The following PPFIA2 variants were observed in gnomAD, a reference collection of about 807,000 sequenced individuals.
PPFIA2 encodes liprin-alpha-2.
Under a neutral mutation model 175.5 loss-of-function variants are expected in PPFIA2, and 46 were observed. The ratio of observed to expected loss-of-function variants is 0.26; its 90% confidence interval spans 0.21 to 0.34. The LOEUF (loss-of-function observed/expected upper bound fraction) is 0.34, where lower values mean the gene tolerates loss of function less well. Among genes scored for constraint, PPFIA2 ranks in the 10% least tolerant of loss-of-function variants. The pLI is 1.00. For missense variants in PPFIA2, 1,179 were observed against 1,506.1 expected (o/e 0.78, Z 3.60); for synonymous variants, 568 against 511.4 (o/e 1.11, Z -1.49).
intron 21 of PPFIA2, among the ~76,000 whole-genome samples, chr12:81,332,226 CA>C (rs1360009831): frequency 6.6e-6 from 1 of 151,908 alleles, no homozygotes; most frequent in East Asian, 1.9e-4. Flanking sequence ...TCTGCAGTTC[CA>C]ATCTGTCTGT....
chr12:81,319,855 T>A (rs1367110572), intron 22 of PPFIA2, among the ~76,000 whole-genome samples: 2 of 151,932 alleles, frequency 1.3e-5, no homozygotes, highest in African/African-American at 4.8e-5. Flanking sequence ...TGTGAGATAA[T>A]CTAATATCAT....
intron 3 of PPFIA2, among the ~76,000 whole-genome samples, chr12:81,682,539 AAGTC>A (rs2073822947): frequency 6.6e-6 from 1 of 152,074 alleles, no homozygotes; most frequent in Admixed American, 6.6e-5. Flanking sequence ...TCTATAAAAA[AAGTC>A]AGTATCAGTG....
At chr12:81,523,522 C>T (rs1366572188) in intron 4 of PPFIA2, among the ~76,000 whole-genome samples, 2 of 152,168 alleles carry the variant, frequency 1.3e-5, no homozygotes, top group African/African-American at 4.8e-5. Flanking sequence ...GTCATTAGAA[C>T]ACTTGAATTA....
At chr12:81,631,482 C>G in intron 4 of PPFIA2, among the ~76,000 whole-genome samples, 1 of 151,922 alleles carries the variant, frequency 6.6e-6, no homozygotes, top group East Asian at 1.9e-4. Context: ...CGATGATATA[C>G]TAAAAGGAAG....
chr12:81,755,217 C>T (rs2084456678), intron 2 of PPFIA2, among the ~76,000 whole-genome samples: 1 of 152,164 alleles, frequency 6.6e-6, no homozygotes, highest in African/African-American at 2.4e-5. Flanking sequence ...ACAAAACACA[C>T]TTAGGTGCAT....
chr12:81,365,883 G>T (rs1485241077), intron 14 of PPFIA2, among the ~76,000 whole-genome samples: 1 of 151,556 alleles, frequency 6.6e-6, no homozygotes, highest in African/African-American at 2.4e-5. Context: ...ATAATATGCA[G>T]CATCCAGTAG....
At chr12:81,519,639 G>A (rs570118204) in intron 4 of PPFIA2, among the ~76,000 whole-genome samples, 7 of 152,260 alleles carry the variant, frequency 4.6e-5, no homozygotes, top group Admixed American at 2.6e-4. Flanking sequence ...GCATGGAATC[G>A]TGTACTTAAA....
chr12:81,584,898 TATATA>T (rs1403830072), intron 4 of PPFIA2, among the ~76,000 whole-genome samples: 23 of 122,802 alleles, frequency 1.9e-4, no homozygotes, highest in African/African-American at 6.2e-5. Context: ...ATTATATTTA[TATATA>T]ATATATTATA....
Position 81,258,860 on chromosome 12 carries a change from ATC to A in PPFIA2, c.*832_*833del, listed in dbSNP as rs1404133106. ...TGGTTCTTAGTAAAGAAGTTTTTTT[ATC>A]TTTTTTTTTTTCTTGGTCCACAGGT... is the stretch of plus-strand genomic sequence containing the variant. On this transcript the variant is annotated 3_prime_UTR_variant, in exon 33 of 33. Transcript: ENST00000549396. The A allele has an allele frequency of 6.7e-6, 1 of 149,762 alleles. No individual in the cohort carries two copies. Among genetic ancestry groups the A allele is most frequent in the African/African-American group, 2.5e-5 (1 of 39,862 alleles). The allele number at this position is 149,762 out of a possible 1,614,324, so 9.3% of individuals were successfully genotyped here.
intron 17 of PPFIA2, among the ~76,000 whole-genome samples, chr12:81,351,737 T>TGAA (rs2140884252): frequency 8.6e-6 from 1 of 115,800 alleles, no homozygotes; most frequent in African/African-American, 3.4e-5. Flanking sequence ...CTACAAAAAA[T>TGAA]TAAAAAAAAA....
Position 81,727,341 on chromosome 12 carries a change from G to A in PPFIA2, c.249+26632C>T, listed in dbSNP as rs143013940. On this transcript the variant is annotated intron_variant, in intron 3 of 32. Transcript: ENST00000549396. ...ATTGGCTCATTTAGCTCTTCTGTTC[G>A]CCACTTCTTGGCTGTTTCGAACATT... Among the ~76,000 whole-genome samples the A allele has an allele frequency of 1.3e-3, 196 of 151,180 alleles. 1 individual carries two copies. Among genetic ancestry groups the A allele is most frequent in the African/African-American group, 4.5e-3 (185 of 41,340 alleles).
At chr12:81,689,340 A>G (rs1298905516) in intron 3 of PPFIA2, among the ~76,000 whole-genome samples, 1 of 152,004 alleles carries the variant, frequency 6.6e-6, no homozygotes, top group Non-Finnish European at 1.5e-5. Context: ...GATGATCATA[A>G]TGTTAACAAG....
chr12:81,444,386 T>C (rs1472530889), intron 6 of PPFIA2, among the ~76,000 whole-genome samples: 5 of 152,170 alleles, frequency 3.3e-5, no homozygotes, highest in Non-Finnish European at 7.3e-5. Context: ...TCTATACATA[T>C]AAACTCTTGC....
At chr12:81,751,627 A>T (rs1157430485) in intron 3 of PPFIA2, among the ~76,000 whole-genome samples, 1 of 151,578 alleles carries the variant, frequency 6.6e-6, no homozygotes, top group Non-Finnish European at 1.5e-5. Flanking sequence ...GAGAGAGAGA[A>T]CCAGAAAACT....
intron 4 of PPFIA2, among the ~76,000 whole-genome samples, chr12:81,561,892 C>A (rs2070180637): frequency 6.6e-6 from 1 of 152,164 alleles, no homozygotes; most frequent in South Asian, 2.1e-4. Flanking sequence ...TTATCTTTAA[C>A]CATGCATCTA....
Position 81,612,382 on chromosome 12 carries a change from G to T in PPFIA2, c.303+64409C>A, listed in dbSNP as rs192460328. Among the ~76,000 whole-genome samples, 634 of 152,272 alleles carry T rather than the reference G, an allele frequency of 4.2e-3. 3 individuals are homozygous for T. Among genetic ancestry groups the T allele is most frequent in the African/African-American group, 0.014 (598 of 41,536 alleles). On this transcript the variant is annotated intron_variant, in intron 4 of 32. Transcript: ENST00000549396. ...TAACAGCTACAGTTAGAGCAGAAAT[G>T]ATTCTGCAGGTGAACTGGGAGACAA... is the stretch of plus-strand genomic sequence containing the variant.
chr12:81,758,362 C>A (rs1199084589), intron 2 of PPFIA2, 38 bp downstream of exon 2: 2 of 455,866 alleles, frequency 4.4e-6, no homozygotes, highest in African/African-American at 2.0e-5. Context: ...AAAAATACAG[C>A]GAAAGGAGAC....
At chr12:81,494,867 T>A (rs2059856147) in intron 4 of PPFIA2, among the ~76,000 whole-genome samples, 1 of 144,204 alleles carries the variant, frequency 6.9e-6, no homozygotes, top group Non-Finnish European at 1.5e-5. Context: ...CACCGCATGT[T>A]CTCACTCATA....
intron 4 of PPFIA2, among the ~76,000 whole-genome samples, chr12:81,501,191 T>G (rs2060558711): frequency 6.6e-6 from 1 of 152,218 alleles, no homozygotes; most frequent in Non-Finnish European, 1.5e-5. Context: ...AAATTCATTC[T>G]CATACAGCTG....
Sources: gnomAD v4.1 joint callset for allele counts (sites outside exome capture counted in the v4.1 genomes callset) on GRCh38, gnomAD v4.1.1 for gene constraint, MANE v1.5 for transcripts, NCBI Gene and HGNC (gene_info 2026-07-23, HGNC 2026-07-21) for gene names.